Variants in CACNA1C observed in about 807,000 individuals in gnomAD.
CACNA1C encodes the protein voltage-dependent L-type calcium channel subunit alpha-1C.
In CACNA1C, 30 loss-of-function variants were observed where a neutral mutation model predicts 229.0. That is an observed-to-expected ratio of 0.13 (90% CI 0.10 to 0.18). The LOEUF is 0.18. Ranked by LOEUF, CACNA1C falls within the 10% of genes least tolerant of loss-of-function variation. The pLI is 1.00. For synonymous variants in CACNA1C, 1,114 were observed against 1,132.5 expected (o/e 0.98, Z 0.33); for missense variants, 1,658 against 2,845.0 (o/e 0.58, Z 9.49).
chr12:2,173,917 T>A (rs2154267659), intron 3 of CACNA1C, among the ~76,000 whole-genome samples: 1 of 152,192 alleles, frequency 6.6e-6, no homozygotes, highest in South Asian at 2.1e-4. Context: ...TTTCCTCATG[T>A]GGGAATCAGG....
At chr12:2,463,059 C>T (rs192762943) in intron 5 of CACNA1C, among the ~76,000 whole-genome samples, 8 of 149,816 alleles carry the variant, frequency 5.3e-5, no homozygotes, top group East Asian at 4.0e-4. Context: ...ACTATAGGCA[C>T]CCGCCACCAC....
chr12:2,616,543 G>T (rs891608476), intron 29 of CACNA1C, among the ~76,000 whole-genome samples: 1 of 152,210 alleles, frequency 6.6e-6, no homozygotes, highest in Non-Finnish European at 1.5e-5. Flanking sequence ...CCAGTCCTGA[G>T]CTGGCCCTAA....
At chr12:2,379,160 G>A (rs145672771) in intron 3 of CACNA1C, among the ~76,000 whole-genome samples, 1 of 152,340 alleles carries the variant, frequency 6.6e-6, no homozygotes, top group East Asian at 1.9e-4. Context: ...AACCGAGGGA[G>A]GGTGGCAGGG....
chr12:2,161,806 C>T (rs139845094), intron 3 of CACNA1C, among the ~76,000 whole-genome samples: 14 of 152,226 alleles, frequency 9.2e-5, no homozygotes, highest in African/African-American at 3.1e-4. Context: ...CTTTGCAAGC[C>T]CGTTTATATA....
At chr12:2,050,111 T>G (rs2051866092), upstream of CACNA1C, among the ~76,000 whole-genome samples, 1 of 152,212 alleles carries the variant, frequency 6.6e-6, no homozygotes, top group African/African-American at 2.4e-5. Flanking sequence ...TCCCAGTGAC[T>G]TGGCTCTTTG....
intron 1 of CACNA1C, among the ~76,000 whole-genome samples, chr12:2,013,442 A>G (rs575621526): frequency 1.3e-4 from 20 of 152,336 alleles, no homozygotes; most frequent in African/African-American, 4.6e-4. Flanking sequence ...AAAATGTACT[A>G]ATGTAAAGCA....
At chr12:2,433,683 C>G (rs986527308) in intron 3 of CACNA1C, among the ~76,000 whole-genome samples, 2 of 147,778 alleles carry the variant, frequency 1.4e-5, no homozygotes, top group Non-Finnish European at 3.0e-5. Context: ...GCCCTTCCTT[C>G]TTGGGAAACT....
At chr12:2,030,686 G>A (rs75163298) in intron 1 of CACNA1C, among the ~76,000 whole-genome samples, 56 of 152,328 alleles carry the variant, frequency 3.7e-4, no homozygotes, top group Non-Finnish European at 6.2e-4. Flanking sequence ...TCTGGAGCCC[G>A]GGCACAGGCC....
chr12:2,549,277 T>A (rs1169098675), intron 9 of CACNA1C, among the ~76,000 whole-genome samples: 2 of 152,126 alleles, frequency 1.3e-5, no homozygotes, highest in African/African-American at 4.8e-5. Flanking sequence ...TGACCACAAT[T>A]AAACATAATT....
chr12:2,458,653 G>A (rs569739455), intron 5 of CACNA1C, among the ~76,000 whole-genome samples: 1 of 152,300 alleles, frequency 6.6e-6, no homozygotes, highest in Admixed American at 6.5e-5. Context: ...ATGGTGTAAG[G>A]GACAGGAAGA....
intron 3 of CACNA1C, among the ~76,000 whole-genome samples, chr12:2,263,031 G>A (rs1157713086): frequency 3.9e-5 from 6 of 152,190 alleles, no homozygotes; most frequent in Admixed American, 3.3e-4. Flanking sequence ...ACAGTGGAGG[G>A]ATGAATGCAG....
At chr12:2,561,552 C>G (rs144404587) in intron 11 of CACNA1C, among the ~76,000 whole-genome samples, 33 of 152,186 alleles carry the variant, frequency 2.2e-4, no homozygotes, top group Non-Finnish European at 4.0e-4. Context: ...AAGCATGCAT[C>G]GTGGAGAAGC....
At chr12:2,568,431 G>T (rs1365868937) in intron 13 of CACNA1C, among the ~76,000 whole-genome samples, 2 of 152,116 alleles carry the variant, frequency 1.3e-5, no homozygotes, top group Non-Finnish European at 2.9e-5. Flanking sequence ...TTAATGATAG[G>T]ATTACCCTCT....
intron 3 of CACNA1C, among the ~76,000 whole-genome samples, chr12:2,212,959 G>A (rs529656781): frequency 5.1e-4 from 77 of 152,308 alleles, no homozygotes; most frequent in African/African-American, 1.7e-3. Flanking sequence ...GCTCAGTGAT[G>A]TTGATTGTTA....
chr12:2,093,583 G>A (rs2072409177), intron 1 of CACNA1C, among the ~76,000 whole-genome samples: 1 of 152,246 alleles, frequency 6.6e-6, no homozygotes, highest in African/African-American at 2.4e-5. Flanking sequence ...AAGGGTGACT[G>A]TGGGGTCATG....
intron 3 of CACNA1C, among the ~76,000 whole-genome samples, chr12:2,357,832 A>G (rs990705264): frequency 6.6e-6 from 1 of 151,890 alleles, no homozygotes; most frequent in Non-Finnish European, 1.5e-5. Flanking sequence ...TTAGCCAGGC[A>G]TGGTGGAGGG....
intron 3 of CACNA1C, among the ~76,000 whole-genome samples, chr12:2,191,282 C>T (rs772334264): frequency 5.2e-4 from 79 of 152,104 alleles, no homozygotes; most frequent in Non-Finnish European, 9.0e-4. Flanking sequence ...CAGACTGAAG[C>T]GCCGGCCCAC....
intron 29 of CACNA1C, among the ~76,000 whole-genome samples, chr12:2,616,253 C>T (rs141713934): frequency 1.3e-5 from 2 of 152,340 alleles, no homozygotes; most frequent in African/African-American, 4.8e-5. Flanking sequence ...CTTTCCCACA[C>T]GTTCCCAGTC....
At chr12:2,498,728 T>C (rs1408353959) in intron 7 of CACNA1C, among the ~76,000 whole-genome samples, 1 of 152,226 alleles carries the variant, frequency 6.6e-6, no homozygotes, top group Admixed American at 6.5e-5. Flanking sequence ...CAAGTGGGGC[T>C]TTACTGGACC....
Sources: gnomAD v4.1 joint callset for allele counts (sites outside exome capture counted in the v4.1 genomes callset) on GRCh38, gnomAD v4.1.1 for gene constraint, MANE v1.5 for transcripts, NCBI Gene and HGNC (gene_info 2026-07-23, HGNC 2026-07-21) for gene names.